The following ZC4H2 variants were observed in gnomAD, a reference collection of about 807,000 sequenced individuals.
The protein encoded by ZC4H2 is zinc finger C4H2-type containing.
For synonymous variants in ZC4H2, 84 were observed against 66.3 expected (o/e 1.27, Z -1.30); for missense variants, 137 against 173.9 (o/e 0.79, Z 1.19).
At chrX:64,941,851 G>T (rs1930296539) in intron 1 of ZC4H2, among the ~76,000 whole-genome samples, 1 of 111,656 alleles carries the variant, frequency 9.0e-6, no homozygotes, top group Non-Finnish European at 1.9e-5. Flanking sequence ...CTTTGTTATT[G>T]TTGTTGCTGT....
At chrX:64,944,141 C>CTTT (rs746540220) in intron 1 of ZC4H2, among the ~76,000 whole-genome samples, 3 of 89,170 alleles carry the variant, frequency 3.4e-5, no homozygotes, top group Non-Finnish European at 6.6e-5. Flanking sequence ...TTTCTTTTTT[C>CTTT]TTTTTTTTTT....
rs373739029 is a variant in ZC4H2, at chrX:64,917,768, G to A, written c.*15C>T. 2.2e-5 allele frequency: 26 copies of A among 1,205,770 alleles called. No individual in the cohort carries two copies. The highest frequency in any genetic ancestry group is 1.2e-4 in the African/African-American group (7 of 57,121). ...GGGGTTATAATTAGCAAAGCTTCAT[G>A]TGCTCTCCCTTTCTTTATTCATCCT... On this transcript the variant is annotated 3_prime_UTR_variant, in exon 5 of 5. Coordinates refer to ENST00000374839, the MANE Select transcript of ZC4H2 (RefSeq NM_018684.4).
intron 1 of ZC4H2, among the ~76,000 whole-genome samples, chrX:64,955,945 A>T (rs1931139284): frequency 8.9e-6 from 1 of 111,914 alleles, no homozygotes; most frequent in African/African-American, 3.2e-5. Context: ...GTTAAAGTGA[A>T]CATTATGAGG....
At chrX:64,939,860 A>G (rs1007056616) in intron 1 of ZC4H2, among the ~76,000 whole-genome samples, 5 of 111,947 alleles carry the variant, frequency 4.5e-5, no homozygotes, top group Admixed American at 9.5e-5. Context: ...ACCATTCAGG[A>G]CATAGTAATG....
intron 1 of ZC4H2, among the ~76,000 whole-genome samples, chrX:64,987,394 C>T (rs1453114124): frequency 5.5e-5 from 6 of 108,228 alleles, no homozygotes; most frequent in Admixed American, 9.9e-5. Context: ...GTGGAAAAGA[C>T]ATGGATCAAT....
intron 1 of ZC4H2, among the ~76,000 whole-genome samples, chrX:65,016,379 C>G (rs1417352177): frequency 1.8e-5 from 2 of 111,675 alleles, no homozygotes; most frequent in Admixed American, 1.9e-4. Context: ...ATTGATTGGC[C>G]CGCCTGAAAT....
intron 1 of ZC4H2, among the ~76,000 whole-genome samples, chrX:65,005,152 C>A (rs954568400): frequency 8.9e-6 from 1 of 111,904 alleles, no homozygotes; most frequent in African/African-American, 3.3e-5. Context: ...AATGGCCATA[C>A]TGCCCGAAGT....
intron 1 of ZC4H2, among the ~76,000 whole-genome samples, chrX:64,973,926 G>T (rs979528178): frequency 1.8e-5 from 2 of 110,785 alleles, no homozygotes; most frequent in African/African-American, 6.6e-5. Flanking sequence ...TCAGAAGGTT[G>T]ATTACAATGT....
intron 1 of ZC4H2, among the ~76,000 whole-genome samples, chrX:65,015,035 A>T (rs1481356419): frequency 9.0e-6 from 1 of 111,567 alleles, no homozygotes; most frequent in African/African-American, 3.3e-5. Context: ...GCAAATTAAA[A>T]TCCCAAACTG....
intron 1 of ZC4H2, among the ~76,000 whole-genome samples, chrX:64,933,286 G>T (rs1929838958): frequency 9.0e-6 from 1 of 110,824 alleles, no homozygotes; most frequent in African/African-American, 3.3e-5. Context: ...AATTTAAGTT[G>T]GTTTTCACCT....
intron 1 of ZC4H2, among the ~76,000 whole-genome samples, chrX:64,936,632 G>T (rs1448279260): frequency 2.7e-5 from 3 of 111,565 alleles, no homozygotes; most frequent in Non-Finnish European, 5.6e-5. Flanking sequence ...CATTTTTAAA[G>T]AAAAGAATTT....
rs760707901 is a variant in ZC4H2 at position 64,968,914 on chromosome X, T to C, written c.53+7411A>G. 9.8e-5 allele frequency among the ~76,000 whole-genome samples: 11 copies of C among 111,835 alleles called. No individual in the cohort carries two copies. The South Asian group carries it at 4.2e-3, about 43-fold the overall frequency. On this transcript the variant is annotated intron_variant, in intron 1 of 4. Coordinates refer to ENST00000374839, the MANE Select transcript of ZC4H2 (RefSeq NM_018684.4). ...CAGATTTGGTGTCTGGTGAGGGGCT[T>C]GGTCTCTCCTTCCAAGATGGCACCT...
At chrX:64,944,338 T>C (rs938961675) in intron 1 of ZC4H2, among the ~76,000 whole-genome samples, 54 of 108,565 alleles carry the variant, frequency 5.0e-4, no homozygotes, top group South Asian at 1.2e-3. Context: ...AGAGACGGGG[T>C]TTCACCATGT....
chrX:65,034,687 A>T (rs1432640502), exon 1 of ZC4H2: 1 of 112,728 alleles, frequency 8.9e-6, no homozygotes, highest in Non-Finnish European at 1.9e-5. Context: ...TCTAGGTCGT[A>T]GGCCTGCTGG....
intron 1 of ZC4H2, among the ~76,000 whole-genome samples, chrX:65,008,123 C>T (rs1377637961): frequency 1.8e-5 from 2 of 111,432 alleles, no homozygotes; most frequent in Non-Finnish European, 3.8e-5. Context: ...AGGAAAACAA[C>T]AACAACAAAT....
intron 1 of ZC4H2, among the ~76,000 whole-genome samples, chrX:64,943,580 A>G (rs776616960): frequency 1.1e-5 from 1 of 92,105 alleles, no homozygotes; most frequent in East Asian, 2.8e-4. Context: ...CTTTTCCATC[A>G]TGTAATATCC....
intron 1 of ZC4H2, among the ~76,000 whole-genome samples, chrX:64,959,981 C>A (rs1446713710): frequency 9.0e-6 from 1 of 110,951 alleles, no homozygotes; most frequent in Non-Finnish European, 1.9e-5. Context: ...ACCTGATTTA[C>A]CCTCCCAGGC....
intron 2 of ZC4H2, 96 bp downstream of exon 2, chrX:64,921,721 G>A (rs1929203020): frequency 1.6e-5 from 16 of 979,568 alleles, no homozygotes; most frequent in South Asian, 2.4e-5. Flanking sequence ...CCTGCTCCCC[G>A]AGCTAGGCCT....
At chrX:64,945,527 G>C (rs759985374) in intron 1 of ZC4H2, among the ~76,000 whole-genome samples, 1 of 111,565 alleles carries the variant, frequency 9.0e-6, no homozygotes, top group Non-Finnish European at 1.9e-5. Flanking sequence ...ACTCCTGCTG[G>C]GAGGTGTCTC....
Sources: gnomAD v4.1 joint callset for allele counts (sites outside exome capture counted in the v4.1 genomes callset) on GRCh38, gnomAD v4.1.1 for gene constraint, MANE v1.5 for transcripts, NCBI Gene and HGNC (gene_info 2026-07-23, HGNC 2026-07-21) for gene names.